The following NRCAM variants were observed in gnomAD, a reference collection of about 807,000 sequenced individuals.
NRCAM encodes NgCAM-related cell adhesion molecule.
Under a neutral mutation model 156.5 loss-of-function variants are expected in NRCAM, and 83 were observed. That is an observed-to-expected ratio of 0.53 (90% CI 0.44 to 0.64). The LOEUF (loss-of-function observed/expected upper bound fraction) is 0.64, where lower values mean the gene tolerates loss of function less well. NRCAM is among the 30% of genes least tolerant of loss of function. NRCAM has a pLI of 0.00. For missense variants in NRCAM, 1,417 were observed against 1,597.3 expected, an observed-to-expected ratio of 0.89 and a Z score of 1.92; for synonymous variants, 538 against 563.9, an observed-to-expected ratio of 0.95 and a Z score of 0.65.
intron 30 of NRCAM, among the ~76,000 whole-genome samples, chr7:108,166,277 T>G (rs1410750208): frequency 2.7e-5 from 4 of 150,878 alleles, no homozygotes; most frequent in Non-Finnish European, 4.4e-5. Flanking sequence ...AGACGGAGTC[T>G]TACTCTGTCA....
intron 2 of NRCAM, among the ~76,000 whole-genome samples, chr7:108,377,204 T>C (rs112548343): frequency 7.6e-4 from 115 of 152,230 alleles, no homozygotes; most frequent in African/African-American, 2.5e-3. Flanking sequence ...TATATCTGCA[T>C]ATTGTATTCT....
intron 2 of NRCAM, among the ~76,000 whole-genome samples, chr7:108,368,576 A>G (rs1319284085): frequency 6.6e-6 from 1 of 152,184 alleles, no homozygotes; most frequent in African/African-American, 2.4e-5. Flanking sequence ...AAATGTGACG[A>G]GACATATATT....
chr7:108,225,177 C>T (rs1288202234), intron 10 of NRCAM, among the ~76,000 whole-genome samples: 3 of 152,082 alleles, frequency 2.0e-5, no homozygotes, highest in Admixed American at 6.6e-5. Context: ...AATCTCATTG[C>T]TAATTATATT....
chr7:108,281,805 G>C lies in NRCAM; in HGVS notation c.-107+30860C>G, dbSNP rs538953649. Reference sequence around the variant, plus strand: ...AAAGCCTTGGCTGCGAACACAGTTGGAAGTTTTGATGGGCAAACTGGATGT... The same window carrying C: ...AAAGCCTTGGCTGCGAACACAGTTGCAAGTTTTGATGGGCAAACTGGATGT... On this transcript the variant is annotated intron_variant, in intron 3 of 32. Coordinates refer to ENST00000379028, the MANE Select transcript of NRCAM (RefSeq NM_001037132.4). Among the ~76,000 whole-genome samples, 15 of 152,358 alleles carry C rather than the reference G, an allele frequency of 9.8e-5. No individual in the cohort carries two copies. In the South Asian group the frequency reaches 3.1e-3, roughly 32 times the overall value.
At chr7:108,337,594 C>A (rs187095523) in intron 2 of NRCAM, among the ~76,000 whole-genome samples, 8 of 152,316 alleles carry the variant, frequency 5.3e-5, no homozygotes, top group African/African-American at 1.9e-4. Context: ...GAACACTAGT[C>A]ACTGGGTTCC....
At chr7:108,267,856 A>T (rs958124906) in intron 3 of NRCAM, among the ~76,000 whole-genome samples, 6 of 152,330 alleles carry the variant, frequency 3.9e-5, no homozygotes, top group African/African-American at 1.4e-4. Context: ...TCCATGGTAT[A>T]ACATTATTTT....
intron 19 of NRCAM, 62 bp downstream of exon 19, chr7:108,191,192 A>C: frequency 1.5e-6 from 2 of 1,357,884 alleles, no homozygotes; most frequent in Non-Finnish European, 2.1e-6. Flanking sequence ...AGTTATGAAT[A>C]CTTTCTGCAA....
chr7:108,217,389 C>T (rs1359693283), intron 11 of NRCAM, among the ~76,000 whole-genome samples: 1 of 152,198 alleles, frequency 6.6e-6, no homozygotes, highest in African/African-American at 2.4e-5. Context: ...AGTCAGGAGG[C>T]ACGGGGGTCA....
chr7:108,338,028 C>T (rs569006247), intron 2 of NRCAM, among the ~76,000 whole-genome samples: 75 of 152,294 alleles, frequency 4.9e-4, no homozygotes, highest in African/African-American at 1.7e-3. Context: ...TTCTAACAAC[C>T]CCCAACCCTT....
chr7:108,400,743 G>A (rs1259153886), intron 1 of NRCAM, among the ~76,000 whole-genome samples: 2 of 152,042 alleles, frequency 1.3e-5, no homozygotes, highest in East Asian at 1.9e-4. Flanking sequence ...GAGTCAAGAG[G>A]TACAGTGACT....
In NRCAM at chr7:108,388,688, T is replaced by A. The variant is rs191370998; in HGVS notation, c.-174+10748A>T. On this transcript the variant is annotated intron_variant, in intron 2 of 32. Coordinates refer to ENST00000379028, the MANE Select transcript of NRCAM (RefSeq NM_001037132.4). ...GGTTTTCTTCTAGGGTTTTTATGGT[T>A]TTAGGTCTAACATGTAAGTCTTTAA... Among the ~76,000 whole-genome samples, 762 of 152,320 alleles carry A rather than the reference T, an allele frequency of 5.0e-3. 7 individuals carry two copies. The highest frequency in any genetic ancestry group is 0.018 in the African/African-American group (734 of 41,552).
intron 11 of NRCAM, among the ~76,000 whole-genome samples, chr7:108,215,917 G>A (rs906760075): frequency 3.3e-5 from 5 of 152,132 alleles, no homozygotes; most frequent in African/African-American, 1.2e-4. Context: ...TACATTTAAG[G>A]TTAATATTGT....
At chr7:108,193,412 T>C (rs1252793236) in intron 17 of NRCAM, among the ~76,000 whole-genome samples, 1 of 152,230 alleles carries the variant, frequency 6.6e-6, no homozygotes, top group Non-Finnish European at 1.5e-5. Context: ...CTATAGCCAC[T>C]TTGCTAAAAC....
intron 24 of NRCAM, among the ~76,000 whole-genome samples, chr7:108,180,827 C>T (rs1293072774): frequency 1.3e-5 from 2 of 152,140 alleles, no homozygotes; most frequent in Non-Finnish European, 2.9e-5. Flanking sequence ...TACATGTTCA[C>T]GTACAACCTA....
intron 10 of NRCAM, among the ~76,000 whole-genome samples, chr7:108,224,808 TC>T (rs1196383171): frequency 6.6e-6 from 1 of 152,078 alleles, no homozygotes; most frequent in Non-Finnish European, 1.5e-5. Flanking sequence ...TCCTCTAAAA[TC>T]ACTTTGGGAA....
intron 3 of NRCAM, among the ~76,000 whole-genome samples, chr7:108,304,333 C>T (rs576078737): frequency 1.3e-5 from 2 of 152,032 alleles, no homozygotes; most frequent in Non-Finnish European, 2.9e-5. Flanking sequence ...CTTTTGAACT[C>T]CTAGAGCACT....
At chr7:108,368,967 T>C (rs10953567) in intron 2 of NRCAM, among the ~76,000 whole-genome samples, 107,067 of 151,920 alleles carry the variant, frequency 0.7, 38,202 homozygotes, top group East Asian at 0.93. Flanking sequence ...ATTTAACAGA[T>C]AATTTAGACA....
At chr7:108,410,210 T>A (rs1050378805) in intron 1 of NRCAM, among the ~76,000 whole-genome samples, 2 of 152,250 alleles carry the variant, frequency 1.3e-5, no homozygotes, top group African/African-American at 2.4e-5. Context: ...TAAGCCCATA[T>A]TAAATAGCCC....
At chr7:108,442,845 C>G (rs1451635273) in intron 1 of NRCAM, among the ~76,000 whole-genome samples, 1 of 152,220 alleles carries the variant, frequency 6.6e-6, no homozygotes, top group East Asian at 1.9e-4. Flanking sequence ...GGGCCTTAAA[C>G]ATGTCAATCA....
Sources: gnomAD v4.1 joint callset for allele counts (sites outside exome capture counted in the v4.1 genomes callset) on GRCh38, gnomAD v4.1.1 for gene constraint, MANE v1.5 for transcripts, NCBI Gene and HGNC (gene_info 2026-07-23, HGNC 2026-07-21) for gene names.